Variants in PIEZO2 observed in about 807,000 individuals in gnomAD.
PIEZO2 encodes piezo-type mechanosensitive ion channel component 2.
PIEZO2 carries 172 observed loss-of-function variants against 337.3 expected under a neutral mutation model. The ratio of observed to expected loss-of-function variants is 0.51; its 90% CI spans 0.45 to 0.58. The LOEUF (loss-of-function observed/expected upper bound fraction) is 0.58, where lower values mean the gene tolerates loss of function less well. Ranked by LOEUF, PIEZO2 falls within the 20% of genes least tolerant of loss-of-function variation. The probability of loss-of-function intolerance (pLI) is 0.00; values close to 1 mark genes in which losing one functional copy is unlikely to be tolerated. For missense variants in PIEZO2, 3,028 were observed against 3,391.3 expected (o/e 0.89, Z 2.66); for synonymous variants, 1,251 against 1,228.5 (o/e 1.02, Z -0.38).
chr18:11,046,207 G>C (rs547938779), intron 2 of PIEZO2, among the ~76,000 whole-genome samples: 1 of 152,310 alleles, frequency 6.6e-6, no homozygotes, highest in East Asian at 1.9e-4. Flanking sequence ...AAAAGCCTTT[G>C]TGAAAGCTCT....
intron 27 of PIEZO2, 105 bp from the exon 28 acceptor site, chr18:10,752,984 C>A: frequency 7.5e-7 from 1 of 1,342,212 alleles, no homozygotes; most frequent in Non-Finnish European, 9.9e-7. Context: ...TCTGCTGCAC[C>A]TTGCAAATCA....
At chr18:10,806,649 G>T (rs2040012217) in intron 8 of PIEZO2, among the ~76,000 whole-genome samples, 1 of 152,082 alleles carries the variant, frequency 6.6e-6, no homozygotes, top group African/African-American at 2.4e-5. Context: ...AGGGGTGTGT[G>T]TCTCTGAGAA....
chr18:10,998,884 G>C (rs1277572968), intron 2 of PIEZO2, among the ~76,000 whole-genome samples: 1 of 140,868 alleles, frequency 7.1e-6, no homozygotes, highest in Non-Finnish European at 1.5e-5. Flanking sequence ...AAAAAAGAAA[G>C]ATTGTCACTG....
rs766731878 is a variant in PIEZO2, at chr18:10,702,080, G to A, written c.6350C>T (p.Pro2117Leu). 3.3e-6 allele frequency: 5 copies of A among 1,536,654 alleles called. No homozygotes were observed. In the East Asian group the frequency reaches 7.3e-5, roughly 23 times the overall value. ...EVNKDKPYHP[P>L]NIIGVEKKEG... ...CTTCTTTTCCACTCCTATGATGTTT[G>A]GGGGGTGATACGGTTTATCTTTGTT... is the stretch of plus-strand genomic sequence containing the variant. Residue 2117 changes from proline (P) to leucine (L), a missense_variant, in exon 43 of 56, where the codon CCA becomes CTA. Coordinates refer to ENST00000674853, the MANE Select transcript of PIEZO2 (RefSeq NM_001378183.1).
In PIEZO2 at chr18:10,696,080, G is replaced by A. The variant is rs1447221606; in HGVS notation, c.7184C>T (p.Thr2395Ile). The A allele has an allele frequency of 6.2e-7, 1 of 1,613,258 alleles. No homozygotes were observed. The highest frequency in any genetic ancestry group is 8.5e-7 in the Non-Finnish European group (1 of 1,179,232). The change falls in exon 47 of 56, where the codon ACT (threonine) becomes ATT (isoleucine). Residue 2395 changes from threonine to isoleucine, a missense_variant. Coordinates refer to ENST00000674853, the MANE Select transcript of PIEZO2 (RefSeq NM_001378183.1). ...TGGCTTCTGAAGACCTTACCTCTCA[G>A]TCACACCAGGTAAGATGAAGAACAT... The part of the protein sequence containing the change: ...FWMFFILPGV[T>I]ERKFSQNLVA...
intron 2 of PIEZO2, among the ~76,000 whole-genome samples, chr18:11,056,087 A>G (rs1241680496): frequency 6.6e-6 from 1 of 152,128 alleles, no homozygotes; most frequent in Admixed American, 6.5e-5. Context: ...AGAGAGACAG[A>G]TCAGATTGTC....
chr18:11,097,394 A>G lies in PIEZO2; in HGVS notation c.65-31172T>C, dbSNP rs2039291423. On this transcript the variant is annotated intron_variant, in intron 1 of 55. Transcript: ENST00000674853. The surrounding 1 kb of genome is among the most constrained non-coding windows in gnomAD (Gnocchi z 5.0). The stretch of plus-strand genomic sequence containing the variant: ...CTGCAACAGAGCCGGCGTGCTGTGC[A>G]ACGCCTGACTCATTAACTGCCCGGC... 6.6e-6 allele frequency among the ~76,000 whole-genome samples: 1 copy of G among 152,216 alleles called. No individual in the cohort carries two copies. The highest frequency in any genetic ancestry group is 1.5e-5 in the Non-Finnish European group (1 of 68,034).
chr18:10,963,614 A>G (rs2033879243), intron 3 of PIEZO2, among the ~76,000 whole-genome samples: 1 of 152,214 alleles, frequency 6.6e-6, no homozygotes, highest in African/African-American at 2.4e-5. Flanking sequence ...GACTTAATTC[A>G]TGGTAGAGTG....
intron 2 of PIEZO2, among the ~76,000 whole-genome samples, chr18:10,992,532 G>C (rs1399757264): frequency 6.6e-6 from 1 of 152,154 alleles, no homozygotes; most frequent in Non-Finnish European, 1.5e-5. Context: ...TCAAAGATCA[G>C]ATGGTTGTAG....
intron 11 of PIEZO2, among the ~76,000 whole-genome samples, chr18:10,799,970 C>A (rs1195079577): frequency 3.7e-5 from 2 of 54,546 alleles, no homozygotes; most frequent in Non-Finnish European, 7.5e-5. Flanking sequence ...GAGACTCTGT[C>A]TCAAAAAAAA....
chr18:11,020,336 A>G (rs1342495214), intron 2 of PIEZO2, among the ~76,000 whole-genome samples: 1 of 152,164 alleles, frequency 6.6e-6, no homozygotes, highest in Non-Finnish European at 1.5e-5. Context: ...TGCTGATTCC[A>G]CAGTCTTCAC....
At chr18:11,005,696 ATCT>A (rs1002145886) in intron 2 of PIEZO2, among the ~76,000 whole-genome samples, 2 of 152,186 alleles carry the variant, frequency 1.3e-5, no homozygotes, top group Non-Finnish European at 1.5e-5. Context: ...TTGTGCTGTT[ATCT>A]TCTTGTTTTT....
Position 10,773,706 on chromosome 18 carries a change from G to A in PIEZO2, c.2568-77C>T. Reference sequence around the variant, plus strand: ...TTGACTGAGGGGCAAGTAAAAGGAGGATAAACACAAATGAAATCAGTGCAT... The same window carrying A: ...TTGACTGAGGGGCAAGTAAAAGGAGAATAAACACAAATGAAATCAGTGCAT... On this transcript the variant is annotated intron_variant, in intron 19 of 55. Coordinates refer to ENST00000674853, the MANE Select transcript of PIEZO2 (RefSeq NM_001378183.1). The surrounding 1 kb of genome is among the most constrained non-coding windows in gnomAD (Gnocchi z 5.3). The A allele has an allele frequency of 7.4e-7, 1 of 1,351,458 alleles. No homozygotes were observed. The highest frequency in any genetic ancestry group is 1.0e-6 in the Non-Finnish European group (1 of 981,948). The allele number at this position is 1,351,458 out of a possible 1,614,324, so 83.7% of individuals were successfully genotyped here.
intron 2 of PIEZO2, among the ~76,000 whole-genome samples, chr18:10,999,732 T>A (rs186728878): frequency 5.1e-4 from 78 of 152,168 alleles, no homozygotes; most frequent in African/African-American, 1.5e-3. Context: ...TTAGAAAAAA[T>A]TTAGAAAAAT....
chr18:10,950,015 T>C (rs2033218721), intron 3 of PIEZO2, among the ~76,000 whole-genome samples: 3 of 152,180 alleles, frequency 2.0e-5, no homozygotes, highest in African/African-American at 4.8e-5. Flanking sequence ...TTAAATCTTA[T>C]GAAAACAAAG....
At position 10,682,531 on chromosome 18, in the gene PIEZO2, G is replaced by A. The variant is rs1340228845; in HGVS notation, c.7498-239C>T. 1.3e-5 allele frequency among the ~76,000 whole-genome samples: 2 copies of A among 152,164 alleles called. No homozygotes were observed. Among genetic ancestry groups the A allele is most frequent in the South Asian group, 2.1e-4 (1 of 4,834 alleles). ...AGTACCCCCTGGTGGATCCACAGGG[G>A]CCAACAGGACTTAAGCGGCCTTCTC... On this transcript the variant is annotated intron_variant, in intron 49 of 55. Coordinates refer to ENST00000674853, the MANE Select transcript of PIEZO2 (RefSeq NM_001378183.1). The surrounding 1 kb of genome is among the most constrained non-coding windows in gnomAD (Gnocchi z 5.6).
At chr18:10,950,685 A>G (rs2033253354) in intron 3 of PIEZO2, among the ~76,000 whole-genome samples, 1 of 152,196 alleles carries the variant, frequency 6.6e-6, no homozygotes, top group Admixed American at 6.5e-5. Context: ...CAGGATTTCA[A>G]ACACAAACCT....
At position 10,762,612 on chromosome 18, in the gene PIEZO2, T is replaced by G; in HGVS notation, c.3137A>C (p.Gln1046Pro). 6.5e-7 allele frequency: 1 copy of G among 1,536,870 alleles called. No homozygotes were observed. Among genetic ancestry groups the G allele is most frequent in the South Asian group, 1.2e-5 (1 of 83,832 alleles). ...CAACTCATTAAAGGGGATGTTTGTTTGATTTTCATTTGGCTAAAAAGAAGA... is the reference window on the plus strand; with the variant it reads ...CAACTCATTAAAGGGGATGTTTGTTGGATTTTCATTTGGCTAAAAAGAAGA... ...SVNCSLPNEN[Q>P]TNIPFNELNK... Residue 1046 changes from glutamine to proline, a missense_variant, in exon 23 of 56, where the codon CAA becomes CCA. Coordinates refer to ENST00000674853, the MANE Select transcript of PIEZO2 (RefSeq NM_001378183.1).
At chr18:10,871,166 T>C in intron 5 of PIEZO2, 87 bp downstream of exon 5, 8 of 1,313,494 alleles carry the variant, frequency 6.1e-6, no homozygotes, top group Non-Finnish European at 8.2e-6. Flanking sequence ...CTCTGTATGC[T>C]CAGCTGTTAT....
Sources: allele counts gnomAD v4.1 joint callset (sites outside exome capture counted in the v4.1 genomes callset), GRCh38; gene constraint gnomAD v4.1.1; non-coding constraint Gnocchi (gnomAD v3.1); transcripts MANE v1.5; gene names NCBI Gene and HGNC (gene_info 2026-07-23, HGNC 2026-07-21).